The following THSD7B variants were observed in gnomAD, a reference collection of about 807,000 sequenced individuals.
THSD7B encodes thrombospondin type-1 domain-containing protein 7B.
A neutral mutation model predicts 213.6 loss-of-function variants in THSD7B; 138 were observed. The ratio of observed to expected loss-of-function variants is 0.65; its 90% CI spans 0.56 to 0.74. The LOEUF (loss-of-function observed/expected upper bound fraction) is 0.74, where lower values mean the gene tolerates loss of function less well. Ranked by LOEUF, THSD7B falls within the 30% of genes least tolerant of loss-of-function variation. THSD7B has a pLI of 0.00. For synonymous variants in THSD7B, 742 were observed against 687.0 expected, an observed-to-expected ratio of 1.08 and a Z score of -1.25; for missense variants, 1,931 against 1,991.5, an observed-to-expected ratio of 0.97 and a Z score of 0.58.
chr2:137,412,106 CTTTG>C lies in THSD7B; in HGVS notation c.2959+238_2959+241del, dbSNP rs1048668530. Among the ~76,000 whole-genome samples, 8 of 152,202 alleles carry C rather than the reference CTTTG, an allele frequency of 5.3e-5. No individual in the cohort carries two copies. In the South Asian group the frequency reaches 1.2e-3, roughly 24 times the overall value. On this transcript the variant is annotated intron_variant, in intron 14 of 27. Transcript: ENST00000409968. ...TGACTCACTTCATTCTCTAATTCACCTTTGTTTATTAGCCGCCTGTTTACTGGTG... is the reference window on the plus strand; with the variant it reads ...TGACTCACTTCATTCTCTAATTCACCTTTATTAGCCGCCTGTTTACTGGTG...
chr2:137,160,200 T>C lies in THSD7B; in HGVS notation c.1370-13T>C, dbSNP rs368993081. 1 of 1,607,198 alleles carries C rather than the reference T, an allele frequency of 6.2e-7. No homozygotes were observed. The highest frequency in any genetic ancestry group is 8.5e-7 in the Non-Finnish European group (1 of 1,176,942). ...GAGAATGTGACATGGTCCGTTATCT[T>C]TTTGTCCCTCAGTCTCTAGACCTGT... On this transcript the variant is annotated splice_polypyrimidine_tract_variant and intron_variant, in intron 5 of 27. Coordinates refer to ENST00000409968, the MANE Select transcript of THSD7B (RefSeq NM_001316349.2).
In THSD7B at chr2:136,987,764, T is replaced by C. The variant is rs528768197; in HGVS notation, c.140-68656T>C. On this transcript the variant is annotated intron_variant, in intron 2 of 27. Coordinates refer to ENST00000409968, the MANE Select transcript of THSD7B (RefSeq NM_001316349.2). Reference sequence around the variant, plus strand: ...GTGCCAAAGATTGTGCCAAATATTTTACACCTACTCACTTTCCATTTGACA... The same window carrying C: ...GTGCCAAAGATTGTGCCAAATATTTCACACCTACTCACTTTCCATTTGACA... Among the ~76,000 whole-genome samples the C allele has an allele frequency of 3.3e-4, 50 of 152,316 alleles. No homozygotes were observed. The South Asian group carries it at 0.01, about 31-fold the overall frequency.
chr2:137,266,457 GT>G (rs1353991013), intron 10 of THSD7B, among the ~76,000 whole-genome samples: 3 of 152,180 alleles, frequency 2.0e-5, no homozygotes, highest in Non-Finnish European at 4.4e-5. Flanking sequence ...GATGGGTTCA[GT>G]TTTGTTTTTG....
chr2:137,382,699 G>A (rs1685804218), intron 12 of THSD7B, among the ~76,000 whole-genome samples: 1 of 152,190 alleles, frequency 6.6e-6, no homozygotes, highest in Non-Finnish European at 1.5e-5. Context: ...GCAAAGTGGG[G>A]CACCTACTTA....
chr2:136,866,636 G>A (rs1218958133), intron 1 of THSD7B, among the ~76,000 whole-genome samples: 1 of 152,080 alleles, frequency 6.6e-6, no homozygotes, highest in African/African-American at 2.4e-5. Context: ...ATTCAGTAAG[G>A]CTTACTTATG....
intron 12 of THSD7B, among the ~76,000 whole-genome samples, chr2:137,395,132 C>T (rs1423843881): frequency 4.2e-5 from 6 of 144,314 alleles, no homozygotes; most frequent in Admixed American, 6.9e-5. Flanking sequence ...ATTTCCTCTT[C>T]TCCTAATTGA....
intron 12 of THSD7B, among the ~76,000 whole-genome samples, chr2:137,287,903 A>G (rs1229223223): frequency 6.6e-6 from 1 of 152,082 alleles, no homozygotes. Flanking sequence ...GCTAATATGA[A>G]TTTCAAAGTC....
At chr2:136,936,621 G>A (rs1466106401) in intron 2 of THSD7B, among the ~76,000 whole-genome samples, 1 of 152,160 alleles carries the variant, frequency 6.6e-6, no homozygotes. Context: ...ACTAAGCTAT[G>A]AGGATGCAAA....
intron 5 of THSD7B, among the ~76,000 whole-genome samples, chr2:137,159,216 G>A (rs1197794287): frequency 6.6e-6 from 1 of 152,062 alleles, no homozygotes; most frequent in Admixed American, 6.6e-5. Context: ...CAGATTGCTT[G>A]AGCCCAGGGG....
chr2:136,786,083 C>T (rs1456856624), intron 1 of THSD7B, among the ~76,000 whole-genome samples: 1 of 152,116 alleles, frequency 6.6e-6, no homozygotes, highest in Non-Finnish European at 1.5e-5. Context: ...TTGAGGCTAA[C>T]CCCTTAAAAC....
chr2:136,804,299 T>C (rs182512820), intron 1 of THSD7B, among the ~76,000 whole-genome samples: 3 of 152,166 alleles, frequency 2.0e-5, no homozygotes, highest in Admixed American at 6.5e-5. Flanking sequence ...TATAATGAAT[T>C]AATGTGTCTA....
At chr2:137,662,068 T>TA (rs1348711531) in intron 25 of THSD7B, among the ~76,000 whole-genome samples, 2 of 147,832 alleles carry the variant, frequency 1.4e-5, no homozygotes, top group African/African-American at 5.0e-5. Context: ...TTTTCTTTTT[T>TA]TTTTTTTTTT....
intron 20 of THSD7B, among the ~76,000 whole-genome samples, chr2:137,635,025 G>A (rs1247674822): frequency 6.6e-6 from 1 of 151,872 alleles, no homozygotes. Flanking sequence ...AGTGATTATT[G>A]CTCATATAAT....
chr2:137,659,611 T>A, intron 24 of THSD7B, 53 bp from the exon 25 acceptor site: 1 of 1,500,250 alleles, frequency 6.7e-7, no homozygotes, highest in Non-Finnish European at 8.9e-7. Flanking sequence ...TACCAAAAAA[T>A]TAGAAATATC....
chr2:137,085,569 A>C (rs1011050843), intron 3 of THSD7B, among the ~76,000 whole-genome samples: 3 of 152,148 alleles, frequency 2.0e-5, no homozygotes, highest in Admixed American at 2.0e-4. Flanking sequence ...AGACTAATTT[A>C]GGGTAAATTA....
intron 3 of THSD7B, among the ~76,000 whole-genome samples, chr2:137,081,109 A>T (rs942184246): frequency 4.6e-5 from 7 of 151,962 alleles, no homozygotes; most frequent in African/African-American, 1.7e-4. Flanking sequence ...AAAATTGTCT[A>T]TTTTCCTGAG....
intron 15 of THSD7B, among the ~76,000 whole-genome samples, chr2:137,558,435 G>T (rs1467814484): frequency 6.6e-6 from 1 of 152,040 alleles, no homozygotes; most frequent in Non-Finnish European, 1.5e-5. Context: ...ACATAATCCA[G>T]CATATAAACA....
At chr2:137,453,219 A>G (rs564684217) in intron 15 of THSD7B, among the ~76,000 whole-genome samples, 61 of 152,214 alleles carry the variant, frequency 4.0e-4, no homozygotes, top group African/African-American at 1.5e-3. Flanking sequence ...GCGGGGTACA[A>G]AATGATGTGT....
At position 136,870,095 on chromosome 2, in the gene THSD7B, A is replaced by T. The variant is rs117815791; in HGVS notation, c.-35-12049A>T. On this transcript the variant is annotated intron_variant, in intron 1 of 27. Transcript: ENST00000409968. ...TCAAAAAAAAAAAAAAAAAAGTGTC[A>T]GCATTTGTGCCTGTATTTTAGGTGG... Among the ~76,000 whole-genome samples, 848 of 148,560 alleles carry T rather than the reference A, an allele frequency of 5.7e-3. 15 individuals carry two copies. In the South Asian group the frequency reaches 0.072, roughly 13 times the overall value.
Sources: gnomAD v4.1 joint callset for allele counts (sites outside exome capture counted in the v4.1 genomes callset) on GRCh38, gnomAD v4.1.1 for gene constraint, MANE v1.5 for transcripts, NCBI Gene and HGNC (gene_info 2026-07-23, HGNC 2026-07-21) for gene names.